The following FSHR variants were observed in gnomAD, a reference collection of about 807,000 sequenced individuals.
The protein encoded by FSHR is follicle stimulating hormone receptor.
A neutral mutation model predicts 52.1 loss-of-function variants in FSHR; 46 were observed. The observed-to-expected ratio is 0.88, with a 90% CI of 0.70 to 1.13. FSHR has a LOEUF of 1.13. Among genes scored for constraint, FSHR ranks in the 50% most tolerant of loss-of-function variants. The probability of loss-of-function intolerance (pLI) is 0.00; values close to 1 mark genes in which losing one functional copy is unlikely to be tolerated. For synonymous variants in FSHR, 399 were observed against 309.6 expected, an observed-to-expected ratio of 1.29 and a Z score of -3.03; for missense variants, 964 against 834.6, an observed-to-expected ratio of 1.16 and a Z score of -1.91.
chr2:49,063,123 G>A (rs1328505273), intron 2 of FSHR, among the ~76,000 whole-genome samples: 1 of 152,112 alleles, frequency 6.6e-6, no homozygotes, highest in Non-Finnish European at 1.5e-5. Flanking sequence ...AAATGCCCAG[G>A]AGGTGGTACC....
Position 49,154,300 on chromosome 2 carries a change from T to C in FSHR, c.118A>G (p.Ile40Val), listed in dbSNP as rs969910938. ...FLCQESKVTE[I>V]PSDLPRNAIE... ...GCATTCCTCGGGAGGTCAGAAGGAATCTCTGTCACCTTGCTCTCTTGGCAG... is the reference window on the plus strand; with the variant it reads ...GCATTCCTCGGGAGGTCAGAAGGAACCTCTGTCACCTTGCTCTCTTGGCAG... The change falls in exon 1 of 10, where the codon ATT (isoleucine) becomes GTT (valine). Residue 40 changes from isoleucine (I) to valine (V), a missense_variant. Physicochemically the swap from Ile to Val is conservative, Grantham distance 29. Transcript: ENST00000406846. 5.0e-6 allele frequency: 8 copies of C among 1,613,844 alleles called. No individual in the cohort carries two copies. The African/African-American group carries it at 9.3e-5, about 19-fold the overall frequency.
intron 4 of FSHR, chr2:49,015,009 C>A: frequency 2.4e-6 from 1 of 414,492 alleles, no homozygotes; most frequent in South Asian, 1.9e-5. Flanking sequence ...AACTGGGTAA[C>A]AGGCACTAAT....
At chr2:48,995,573 A>G (rs1000045982) in intron 4 of FSHR, among the ~76,000 whole-genome samples, 3 of 152,090 alleles carry the variant, frequency 2.0e-5, no homozygotes, top group African/African-American at 7.2e-5. Context: ...CATGGTAAAG[A>G]AGAAGCATGG....
chr2:49,106,912 T>C (rs773968160), intron 1 of FSHR, among the ~76,000 whole-genome samples: 41 of 152,190 alleles, frequency 2.7e-4, no homozygotes, highest in Non-Finnish European at 3.5e-4. Flanking sequence ...AAGCATCCTA[T>C]TACTGACCAT....
intron 1 of FSHR, among the ~76,000 whole-genome samples, chr2:49,099,949 A>C (rs1270370175): frequency 6.6e-6 from 1 of 152,176 alleles, no homozygotes; most frequent in East Asian, 1.9e-4. Flanking sequence ...ATGTATAATG[A>C]GCAGTTGGCT....
At chr2:49,086,553 A>G (rs1410284058) in intron 1 of FSHR, among the ~76,000 whole-genome samples, 5 of 152,074 alleles carry the variant, frequency 3.3e-5, no homozygotes, top group Non-Finnish European at 7.4e-5. Context: ...TTTTATAATC[A>G]CCTGCGGAAG....
chr2:49,058,214 G>A (rs1028484968), intron 2 of FSHR, among the ~76,000 whole-genome samples: 1 of 152,166 alleles, frequency 6.6e-6, no homozygotes, highest in African/African-American at 2.4e-5. Flanking sequence ...AATTTGAAAA[G>A]AGGAAGTCAA....
intron 2 of FSHR, among the ~76,000 whole-genome samples, chr2:49,054,974 T>C (rs1039590522): frequency 6.6e-6 from 1 of 151,860 alleles, no homozygotes; most frequent in Non-Finnish European, 1.5e-5. Flanking sequence ...ACATCAAAGA[T>C]GAAAAAGCAA....
intron 2 of FSHR, among the ~76,000 whole-genome samples, chr2:49,061,330 A>C (rs1196255426): frequency 6.6e-6 from 1 of 152,006 alleles, no homozygotes; most frequent in Non-Finnish European, 1.5e-5. Flanking sequence ...GTAAAGACAA[A>C]TATAAACTGA....
chr2:49,028,115 G>A (rs1558399133), intron 2 of FSHR, among the ~76,000 whole-genome samples: 1 of 152,152 alleles, frequency 6.6e-6, no homozygotes, highest in Non-Finnish European at 1.5e-5. Context: ...AAAGTGAGGT[G>A]CGAGGTTGGA....
At position 49,127,506 on chromosome 2, in the gene FSHR, A is replaced by G. The variant is rs148103529; in HGVS notation, c.152+26760T>C. ...TCTGAAATACCCTGTTTCTTTCTCA[A>G]TGACCACCACAATACACACACACAC... On this transcript the variant is annotated intron_variant, in intron 1 of 9. Coordinates refer to ENST00000406846, the MANE Select transcript of FSHR (RefSeq NM_000145.4). Among the ~76,000 whole-genome samples, 192 of 147,620 alleles carry G rather than the reference A, an allele frequency of 1.3e-3. 2 individuals carry two copies. In the East Asian group the frequency reaches 0.035, roughly 27 times the overall value.
intron 1 of FSHR, among the ~76,000 whole-genome samples, chr2:49,091,115 G>A (rs565922601): frequency 5.4e-5 from 8 of 146,860 alleles, no homozygotes; most frequent in East Asian, 2.1e-4. Flanking sequence ...TTTACATTTC[G>A]ATGAAGTCCA....
intron 3 of FSHR, among the ~76,000 whole-genome samples, chr2:49,018,923 T>G (rs1286542851): frequency 2.0e-5 from 3 of 152,186 alleles, no homozygotes; most frequent in African/African-American, 7.2e-5. Context: ...AATTCATCCT[T>G]GTTAAAAAGA....
chr2:49,087,216 A>G (rs548566047), intron 1 of FSHR, among the ~76,000 whole-genome samples: 1 of 151,442 alleles, frequency 6.6e-6, no homozygotes, highest in Non-Finnish European at 1.5e-5. Context: ...TCTTTGTTCA[A>G]TGGAGGTTAG....
At chr2:49,017,442 T>C in intron 4 of FSHR, 47 bp downstream of exon 4, 1 of 1,382,132 alleles carries the variant, frequency 7.2e-7, no homozygotes, top group South Asian at 1.2e-5. Context: ...AAAATAGGCT[T>C]GCACTATTTA....
intron 1 of FSHR, among the ~76,000 whole-genome samples, chr2:49,102,537 G>A (rs1410300802): frequency 6.6e-6 from 1 of 152,118 alleles, no homozygotes; most frequent in East Asian, 1.9e-4. Context: ...GAACAGACAA[G>A]TGCAGTCAAA....
At chr2:48,976,412 A>G (rs1674990419) in intron 8 of FSHR, among the ~76,000 whole-genome samples, 1 of 152,218 alleles carries the variant, frequency 6.6e-6, no homozygotes, top group Non-Finnish European at 1.5e-5. Flanking sequence ...GGATTTTCGC[A>G]TCGATGTTCA....
intron 1 of FSHR, among the ~76,000 whole-genome samples, chr2:49,075,888 T>C (rs1669933789): frequency 6.6e-6 from 1 of 152,104 alleles, no homozygotes; most frequent in South Asian, 2.1e-4. Flanking sequence ...GAACCACCTG[T>C]CTCTATTTCT....
At chr2:48,990,377 CT>C (rs1675712620) in intron 5 of FSHR, among the ~76,000 whole-genome samples, 188 bp downstream of exon 5, 2 of 152,148 alleles carry the variant, frequency 1.3e-5, no homozygotes, top group South Asian at 4.2e-4. Flanking sequence ...TTTCAGTTTC[CT>C]CCAAACTAAT....
Sources: gnomAD v4.1 joint callset for allele counts (sites outside exome capture counted in the v4.1 genomes callset) on GRCh38, gnomAD v4.1.1 for gene constraint, MANE v1.5 for transcripts, NCBI Gene and HGNC (gene_info 2026-07-23, HGNC 2026-07-21) for gene names.